The following SPIRE1 variants were observed in gnomAD, a reference collection of about 807,000 sequenced individuals.
SPIRE1 encodes spire type actin nucleation factor 1.
Under a neutral mutation model 94.1 loss-of-function variants are expected in SPIRE1, and 40 were observed. That is an observed-to-expected ratio of 0.43 (90% CI 0.33 to 0.55). SPIRE1 has a LOEUF of 0.55. Among genes scored for constraint, SPIRE1 ranks in the 20% least tolerant of loss-of-function variants. The pLI, the probability that SPIRE1 is intolerant of heterozygous loss-of-function variation, is 0.06. For synonymous variants in SPIRE1, 376 were observed against 371.7 expected (o/e 1.01, Z -0.13); for missense variants, 838 against 975.2 (o/e 0.86, Z 1.87).
intron 8 of SPIRE1, among the ~76,000 whole-genome samples, chr18:12,488,635 C>T (rs2143829294): frequency 6.6e-6 from 1 of 152,190 alleles, no homozygotes; most frequent in East Asian, 1.9e-4. Context: ...TACTTATTTA[C>T]ATCCCAAGCA....
chr18:12,505,564 A>C (rs923841564), intron 6 of SPIRE1, among the ~76,000 whole-genome samples: 4 of 151,898 alleles, frequency 2.6e-5, no homozygotes, highest in East Asian at 1.9e-4. Flanking sequence ...AAAAAAAAAA[A>C]AAACAAAAAA....
chr18:12,641,899 T>C (rs1319369010), intron 1 of SPIRE1, among the ~76,000 whole-genome samples: 1 of 149,990 alleles, frequency 6.7e-6, no homozygotes, highest in African/African-American at 2.5e-5. Context: ...GTGCATGATC[T>C]TGGCTCACTA....
intron 2 of SPIRE1, among the ~76,000 whole-genome samples, chr18:12,574,009 G>C (rs547409482): frequency 6.6e-6 from 1 of 152,302 alleles, no homozygotes; most frequent in East Asian, 1.9e-4. Context: ...AAAGTGCTAA[G>C]ATTACAGGCG....
At chr18:12,478,855 T>C (rs1456147704) in intron 10 of SPIRE1, among the ~76,000 whole-genome samples, 1 of 152,048 alleles carries the variant, frequency 6.6e-6, no homozygotes, top group Non-Finnish European at 1.5e-5. Context: ...TATGAGATCT[T>C]CCCTCTCCAC....
intron 2 of SPIRE1, among the ~76,000 whole-genome samples, chr18:12,609,692 C>CT (rs146464592): frequency 6.6e-6 from 1 of 152,298 alleles, no homozygotes; most frequent in African/African-American, 2.4e-5. Context: ...CCTATTTGAG[C>CT]ACCTATCAGA....
intron 2 of SPIRE1, among the ~76,000 whole-genome samples, chr18:12,575,047 G>C (rs2144496604): frequency 6.6e-6 from 1 of 152,244 alleles, no homozygotes. Flanking sequence ...TGAAGAAAAG[G>C]GGAAATACAT....
intron 10 of SPIRE1, among the ~76,000 whole-genome samples, chr18:12,476,643 A>G (rs1285872337): frequency 2.0e-5 from 3 of 147,776 alleles, no homozygotes; most frequent in African/African-American, 7.4e-5. Flanking sequence ...ACATATATAT[A>G]AAAGAATTTC....
intron 2 of SPIRE1, among the ~76,000 whole-genome samples, chr18:12,634,397 C>A (rs1051919733): frequency 1.3e-5 from 2 of 151,582 alleles, no homozygotes; most frequent in Non-Finnish European, 2.9e-5. Context: ...TGGAGTCTAA[C>A]ACATTTAAAT....
rs553935000 is a variant in SPIRE1, at chr18:12,448,860, T to C, written c.*778A>G. 1 of 152,636 alleles carries C rather than the reference T, an allele frequency of 6.6e-6. No homozygotes were observed. Among genetic ancestry groups the C allele is most frequent in the South Asian group, 2.1e-4 (1 of 4,828 alleles). The allele number at this position is 152,636 out of a possible 1,614,324, so 9.5% of individuals were successfully genotyped here. A position where few individuals can be genotyped will look rare whatever the true frequency, so the allele number is the denominator to read the frequency against. Reference sequence around the variant, plus strand: ...TCTTGACAAACTTTTAGCCTTCCTTTGTCCTGAAACTCCCACACAACTTTA... The same window carrying C: ...TCTTGACAAACTTTTAGCCTTCCTTCGTCCTGAAACTCCCACACAACTTTA... On this transcript the variant is annotated 3_prime_UTR_variant, in exon 17 of 17. Transcript: ENST00000409402. This position sits in a 1 kb window ranked among gnomAD's most constrained non-coding sequence, Gnocchi z 4.4.
chr18:12,589,417 G>T (rs1011205856), intron 2 of SPIRE1, among the ~76,000 whole-genome samples: 2 of 152,116 alleles, frequency 1.3e-5, no homozygotes, highest in African/African-American at 4.8e-5. Flanking sequence ...TCTGAAGGCC[G>T]CCCACTCTGC....
At chr18:12,496,811 G>A (rs1259667412) in intron 6 of SPIRE1, among the ~76,000 whole-genome samples, 1 of 152,196 alleles carries the variant, frequency 6.6e-6, no homozygotes, top group Non-Finnish European at 1.5e-5. Flanking sequence ...GGAGCTTGCA[G>A]TGAGCTGAGA....
At chr18:12,456,194 T>C (rs1471350115) in intron 12 of SPIRE1, among the ~76,000 whole-genome samples, 2 of 152,200 alleles carry the variant, frequency 1.3e-5, no homozygotes, top group Admixed American at 6.5e-5. Context: ...ACGATCACAG[T>C]TTTCTCTTTC....
intron 2 of SPIRE1, among the ~76,000 whole-genome samples, chr18:12,591,482 A>T (rs144101129): frequency 6.6e-6 from 1 of 152,202 alleles, no homozygotes; most frequent in Non-Finnish European, 1.5e-5. Context: ...ATGACGTTAC[A>T]TGACAAAAAA....
chr18:12,535,687 T>A (rs774554629), intron 3 of SPIRE1, 86 bp from the exon 4 acceptor site: 3 of 1,287,294 alleles, frequency 2.3e-6, no homozygotes, highest in African/African-American at 2.9e-5. Context: ...CAGAGTGCAG[T>A]GGTTCACGCC....
chr18:12,480,190 C>T (rs556629281), intron 9 of SPIRE1, among the ~76,000 whole-genome samples: 1 of 152,320 alleles, frequency 6.6e-6, no homozygotes, highest in South Asian at 2.1e-4. Context: ...TACTTCACAG[C>T]CTCTAAGGAT....
chr18:12,632,379 G>A (rs1234203305), intron 2 of SPIRE1, among the ~76,000 whole-genome samples: 5 of 152,166 alleles, frequency 3.3e-5, no homozygotes, highest in African/African-American at 4.8e-5. Flanking sequence ...ATGGCCCATC[G>A]TCTCTAACCT....
chr18:12,651,769 G>A (rs562609986), intron 1 of SPIRE1, among the ~76,000 whole-genome samples: 25 of 152,042 alleles, frequency 1.6e-4, no homozygotes, highest in Non-Finnish European at 3.1e-4. Flanking sequence ...ATGCCAAGAC[G>A]ATCTTCCCCT....
intron 4 of SPIRE1, among the ~76,000 whole-genome samples, chr18:12,531,905 A>G (rs1217782129): frequency 6.6e-6 from 1 of 152,188 alleles, no homozygotes; most frequent in African/African-American, 2.4e-5. Context: ...CCCCTGCAGT[A>G]TGGCTCTGGA....
intron 1 of SPIRE1, chr18:12,636,365 A>AT (rs1598567243): frequency 6.6e-6 from 1 of 152,116 alleles, no homozygotes; most frequent in African/African-American, 2.4e-5. Flanking sequence ...CAGCCTTGTT[A>AT]TTTTTTTAGT....
Sources: allele counts gnomAD v4.1 joint callset (sites outside exome capture counted in the v4.1 genomes callset), GRCh38; gene constraint gnomAD v4.1.1; non-coding constraint Gnocchi (gnomAD v3.1); transcripts MANE v1.5; gene names NCBI Gene and HGNC (gene_info 2026-07-23, HGNC 2026-07-21).